The following SMYD3 variants were observed in gnomAD, a reference collection of about 807,000 sequenced individuals.
SMYD3 encodes SET and MYND domain containing 3.
Under a neutral mutation model 57.7 loss-of-function variants are expected in SMYD3, and 36 were observed. The ratio of observed to expected loss-of-function variants is 0.62; its 90% CI spans 0.48 to 0.82. The LOEUF is 0.82. SMYD3 is among the 40% of genes least tolerant of loss of function. The pLI is 0.00. For missense variants in SMYD3, 515 were observed against 538.8 expected (o/e 0.96, Z 0.44); for synonymous variants, 211 against 195.0 (o/e 1.08, Z -0.68).
At chr1:246,039,114 A>G (rs2059826023) in intron 5 of SMYD3, among the ~76,000 whole-genome samples, 1 of 152,200 alleles carries the variant, frequency 6.6e-6, no homozygotes, top group South Asian at 2.1e-4. Flanking sequence ...AACAAAACAT[A>G]GACCGTGGAA....
At chr1:246,126,150 C>A (rs918474634) in intron 5 of SMYD3, among the ~76,000 whole-genome samples, 5 of 152,232 alleles carry the variant, frequency 3.3e-5, no homozygotes, top group Admixed American at 6.5e-5. Context: ...CACAGCACTG[C>A]AGCTTGGACA....
chr1:246,097,845 TTTTC>T (rs1287982939), intron 5 of SMYD3, among the ~76,000 whole-genome samples: 1 of 152,180 alleles, frequency 6.6e-6, no homozygotes, highest in Non-Finnish European at 1.5e-5. Context: ...ATCTAGTTGG[TTTTC>T]TTTGAGAATT....
At chr1:246,087,295 A>T (rs2060737133) in intron 5 of SMYD3, among the ~76,000 whole-genome samples, 1 of 152,194 alleles carries the variant, frequency 6.6e-6, no homozygotes, top group Admixed American at 6.5e-5. Flanking sequence ...TTTTATCACT[A>T]GACCAACATC....
intron 10 of SMYD3, among the ~76,000 whole-genome samples, chr1:245,851,289 G>A (rs918761821): frequency 5.3e-5 from 8 of 152,132 alleles, no homozygotes; most frequent in African/African-American, 1.2e-4. Context: ...TGCCTGTTTC[G>A]TTTACCACAG....
At chr1:246,072,690 G>C (rs1414127238) in intron 5 of SMYD3, among the ~76,000 whole-genome samples, 1 of 152,184 alleles carries the variant, frequency 6.6e-6, no homozygotes, top group Non-Finnish European at 1.5e-5. Context: ...ACATGACTCT[G>C]AATGGAGTAG....
chr1:246,472,668 C>T (rs955044410), intron 1 of SMYD3, among the ~76,000 whole-genome samples: 1 of 151,792 alleles, frequency 6.6e-6, no homozygotes, highest in Non-Finnish European at 1.5e-5. Context: ...CGCTTAATCT[C>T]GGGAGGTCAA....
chr1:246,482,750 T>C (rs2068128130), intron 1 of SMYD3, among the ~76,000 whole-genome samples: 2 of 152,126 alleles, frequency 1.3e-5, no homozygotes, highest in African/African-American at 4.8e-5. Flanking sequence ...AAACATAAGA[T>C]ACGATAAAAA....
At chr1:246,266,956 T>G (rs562614315) in intron 5 of SMYD3, among the ~76,000 whole-genome samples, 133 of 152,362 alleles carry the variant, frequency 8.7e-4, no homozygotes, top group Non-Finnish European at 1.5e-3. Context: ...TTTCCACAGC[T>G]TCTTAATTCT....
At chr1:246,057,370 T>C (rs972496736) in intron 5 of SMYD3, among the ~76,000 whole-genome samples, 2 of 152,226 alleles carry the variant, frequency 1.3e-5, no homozygotes, top group Non-Finnish European at 2.9e-5. Context: ...TTGAATTCAC[T>C]AATGTTGTCC....
At chr1:246,215,708 C>T (rs189228166) in intron 5 of SMYD3, among the ~76,000 whole-genome samples, 1 of 152,224 alleles carries the variant, frequency 6.6e-6, no homozygotes, top group East Asian at 1.9e-4. Context: ...CGGAACTCAA[C>T]TGTCCAAAGA....
intron 5 of SMYD3, among the ~76,000 whole-genome samples, chr1:245,971,663 A>T (rs2058307630): frequency 6.6e-6 from 1 of 152,140 alleles, no homozygotes; most frequent in South Asian, 2.1e-4. Flanking sequence ...TCTACCTTTT[A>T]TCTCTAAATC....
rs1295399993 is a variant in SMYD3, at chr1:246,355,637, G to A, written c.165-543C>T. On this transcript the variant is annotated intron_variant, in intron 1 of 11. Coordinates refer to ENST00000490107, the MANE Select transcript of SMYD3 (RefSeq NM_001167740.2). This position sits in a 1 kb window ranked among gnomAD's most constrained non-coding sequence, Gnocchi z 5.0. ...AGTGAGACCAGCCTTTAGGACTGCG[G>A]GCTGTGTGGGAGTGGGATGAGGCCT... 6.6e-6 allele frequency among the ~76,000 whole-genome samples: 1 copy of A among 152,094 alleles called. No individual in the cohort carries two copies. The highest frequency in any genetic ancestry group is 1.5e-5 in the Non-Finnish European group (1 of 68,022).
intron 5 of SMYD3, among the ~76,000 whole-genome samples, chr1:246,275,788 C>T (rs74562624): frequency 2.1e-5 from 3 of 145,350 alleles, no homozygotes; most frequent in Admixed American, 6.9e-5. Context: ...TTTCACTAGC[C>T]GTATTAACAC....
intron 5 of SMYD3, among the ~76,000 whole-genome samples, chr1:245,972,731 G>A (rs1224707054): frequency 6.6e-6 from 1 of 152,200 alleles, no homozygotes; most frequent in African/African-American, 2.4e-5. Context: ...TGGCCCTGCT[G>A]GGCTCCTTTT....
intron 1 of SMYD3, among the ~76,000 whole-genome samples, chr1:246,481,629 T>TATACACACACACACAC (rs1409036764): frequency 9.6e-6 from 1 of 104,414 alleles, no homozygotes; most frequent in Non-Finnish European, 1.8e-5. Flanking sequence ...TATACATACA[T>TATACACACACACACAC]ACATACACAT....
intron 5 of SMYD3, chr1:245,956,218 T>C (rs2057836251): frequency 4.6e-6 from 1 of 216,084 alleles, no homozygotes; most frequent in South Asian, 1.7e-4. Context: ...GTATTCAGCC[T>C]CTTGGTATTT....
chr1:246,077,384 C>A (rs1163416732), intron 5 of SMYD3, among the ~76,000 whole-genome samples: 1 of 152,136 alleles, frequency 6.6e-6, no homozygotes, highest in Non-Finnish European at 1.5e-5. Flanking sequence ...GAGTAGGGAG[C>A]TAACTATGTA....
chr1:246,323,483 T>C (rs960875173), intron 5 of SMYD3, among the ~76,000 whole-genome samples: 4 of 152,170 alleles, frequency 2.6e-5, no homozygotes, highest in African/African-American at 9.7e-5. Context: ...AACTCCAGTG[T>C]TCAAAATACA....
intron 5 of SMYD3, among the ~76,000 whole-genome samples, chr1:246,130,954 G>A (rs922642878): frequency 1.6e-4 from 24 of 152,036 alleles, no homozygotes; most frequent in Non-Finnish European, 3.1e-4. Flanking sequence ...ATCAAACCTC[G>A]TCTTAACACT....
Sources: allele counts gnomAD v4.1 joint callset (sites outside exome capture counted in the v4.1 genomes callset), GRCh38; gene constraint gnomAD v4.1.1; non-coding constraint Gnocchi (gnomAD v3.1); transcripts MANE v1.5; gene names NCBI Gene and HGNC (gene_info 2026-07-23, HGNC 2026-07-21).